The following PPP2R2B variants were observed in gnomAD, a reference collection of about 807,000 sequenced individuals.
PPP2R2B encodes the protein protein phosphatase 2 regulatory subunit Bbeta, also known as serine/threonine-protein phosphatase 2A 55 kDa regulatory subunit B beta isoform.
A neutral mutation model predicts 46.0 loss-of-function variants in PPP2R2B; 5 were observed. The ratio of observed to expected loss-of-function variants is 0.11; its 90% CI spans 0.06 to 0.23. The LOEUF is 0.23. PPP2R2B is among the 10% of genes least tolerant of loss of function. PPP2R2B has a pLI of 1.00. For synonymous variants in PPP2R2B, 215 were observed against 206.7 expected, an observed-to-expected ratio of 1.04 and a Z score of -0.34; for missense variants, 367 against 575.0, an observed-to-expected ratio of 0.64 and a Z score of 3.70.
intron 2 of PPP2R2B, among the ~76,000 whole-genome samples, chr5:146,771,383 A>G (rs763324532): frequency 1.3e-5 from 2 of 152,176 alleles, no homozygotes; most frequent in African/African-American, 2.4e-5. Flanking sequence ...AGGTGCTACT[A>G]ATTTTTTTTA....
chr5:146,943,227 T>G (rs1764378354), intron 1 of PPP2R2B, among the ~76,000 whole-genome samples: 1 of 152,194 alleles, frequency 6.6e-6, no homozygotes, highest in African/African-American at 2.4e-5. Flanking sequence ...TTTTATTTCT[T>G]TATTAAGTCA....
At chr5:146,885,885 T>C (rs1762304398) in intron 1 of PPP2R2B, among the ~76,000 whole-genome samples, 1 of 152,104 alleles carries the variant, frequency 6.6e-6, no homozygotes, top group Non-Finnish European at 1.5e-5. Flanking sequence ...AGATGACATA[T>C]TGTATGATTC....
intron 2 of PPP2R2B, among the ~76,000 whole-genome samples, chr5:147,076,318 A>G (rs983135721): frequency 6.6e-6 from 1 of 152,170 alleles, no homozygotes; most frequent in Non-Finnish European, 1.5e-5. Flanking sequence ...TGGTAAAAAA[A>G]AAATTGATAT....
chr5:146,654,394 G>A (rs1269613625), intron 5 of PPP2R2B, among the ~76,000 whole-genome samples: 1 of 152,200 alleles, frequency 6.6e-6, no homozygotes, highest in African/African-American at 2.4e-5. Flanking sequence ...GAAACTATTA[G>A]GTTGAAATAC....
At chr5:146,721,568 C>T (rs1168121493) in intron 2 of PPP2R2B, among the ~76,000 whole-genome samples, 1 of 152,242 alleles carries the variant, frequency 6.6e-6, no homozygotes, top group Non-Finnish European at 1.5e-5. Context: ...GTTTCAATGG[C>T]ACCAAATAGA....
At chr5:146,971,432 C>G (rs979054009) in intron 1 of PPP2R2B, among the ~76,000 whole-genome samples, 1 of 152,088 alleles carries the variant, frequency 6.6e-6, no homozygotes, top group Admixed American at 6.6e-5. Context: ...AACTTACGCT[C>G]TATGTTGGGA....
At chr5:146,831,182 A>G (rs1758906669) in intron 2 of PPP2R2B, among the ~76,000 whole-genome samples, 1 of 152,166 alleles carries the variant, frequency 6.6e-6, no homozygotes, top group African/African-American at 2.4e-5. Context: ...GCTTATAAAA[A>G]AAAAGTTAAC....
intron 2 of PPP2R2B, among the ~76,000 whole-genome samples, chr5:146,835,700 A>G (rs888594306): frequency 8.5e-5 from 13 of 152,122 alleles, no homozygotes; most frequent in African/African-American, 3.1e-4. Context: ...AGCCAGCCCA[A>G]CCATCTCCCA....
upstream of PPP2R2B, chr5:146,878,927 T>A: frequency 1.4e-5 from 16 of 1,140,084 alleles, no homozygotes; most frequent in Non-Finnish European, 1.8e-5. The surrounding 1 kb of genome is among the most constrained non-coding windows in gnomAD (Gnocchi z 4.5). Flanking sequence ...AGCAAGCGAC[T>A]AGCTTGCAGG....
At chr5:146,930,132 T>TA (rs1763919828) in intron 1 of PPP2R2B, among the ~76,000 whole-genome samples, 1 of 152,140 alleles carries the variant, frequency 6.6e-6, no homozygotes, top group African/African-American at 2.4e-5. Context: ...GGTTATGTGA[T>TA]AGAAAGAGTG....
chr5:147,068,713 T>C (rs1044147249), intron 2 of PPP2R2B, among the ~76,000 whole-genome samples: 4 of 152,236 alleles, frequency 2.6e-5, no homozygotes, highest in African/African-American at 9.6e-5. Context: ...ATATACATTC[T>C]GAACCATGTG....
intron 2 of PPP2R2B, among the ~76,000 whole-genome samples, chr5:146,784,425 C>T (rs899268773): frequency 1.3e-5 from 2 of 152,152 alleles, no homozygotes; most frequent in Non-Finnish European, 2.9e-5. Flanking sequence ...ACTTATAACA[C>T]TGATGGGAAA....
At chr5:146,738,866 C>G (rs1156770689) in intron 2 of PPP2R2B, among the ~76,000 whole-genome samples, 1 of 152,130 alleles carries the variant, frequency 6.6e-6, no homozygotes, top group Non-Finnish European at 1.5e-5. Context: ...TATTTATTAA[C>G]TATTAGTCAT....
intron 2 of PPP2R2B, among the ~76,000 whole-genome samples, chr5:146,719,300 T>C (rs986010753): frequency 1.2e-4 from 19 of 152,342 alleles, no homozygotes; most frequent in African/African-American, 4.6e-4. Context: ...GAATGGTACC[T>C]GACACACATA....
chr5:146,843,775 T>G (rs1043667540), intron 2 of PPP2R2B, among the ~76,000 whole-genome samples: 3 of 152,144 alleles, frequency 2.0e-5, no homozygotes, highest in African/African-American at 7.2e-5. Flanking sequence ...ACAAAGGACA[T>G]GAACTCATCA....
chr5:146,609,916 AG>A (rs1265407701), intron 7 of PPP2R2B, among the ~76,000 whole-genome samples: 1 of 144,762 alleles, frequency 6.9e-6, no homozygotes, highest in Non-Finnish European at 1.5e-5. Context: ...AGGCTGGGGG[AG>A]GGGCGCCCGC....
intron 5 of PPP2R2B, among the ~76,000 whole-genome samples, chr5:146,669,894 A>G (rs866598012): frequency 2.0e-5 from 3 of 152,190 alleles, no homozygotes; most frequent in Non-Finnish European, 2.9e-5. Flanking sequence ...TGACGTTACT[A>G]TATTTCCAGT....
chr5:146,680,570 G>A (rs1170189583), intron 5 of PPP2R2B, among the ~76,000 whole-genome samples: 4 of 147,448 alleles, frequency 2.7e-5, no homozygotes, highest in East Asian at 2.0e-4. Context: ...AAACCACAGC[G>A]TTGCACACAC....
intron 2 of PPP2R2B, among the ~76,000 whole-genome samples, chr5:146,834,416 C>T (rs1759149035): frequency 6.6e-6 from 1 of 152,162 alleles, no homozygotes; most frequent in African/African-American, 2.4e-5. Context: ...TTTACACTGC[C>T]TTTCTTGGCA....
Sources: gnomAD v4.1 joint callset for allele counts (sites outside exome capture counted in the v4.1 genomes callset) on GRCh38, gnomAD v4.1.1 for gene constraint, Gnocchi (gnomAD v3.1) non-coding constraint, MANE v1.5 for transcripts, NCBI Gene and HGNC (gene_info 2026-07-23, HGNC 2026-07-21) for gene names.